The following CPT1C variants were observed in gnomAD, a reference collection of about 807,000 sequenced individuals.
The protein encoded by CPT1C is carnitine palmitoyltransferase 1C.
A neutral mutation model predicts 97.3 loss-of-function variants in CPT1C; 61 were observed. The observed-to-expected ratio is 0.63, with a 90% CI of 0.51 to 0.78. The LOEUF (loss-of-function observed/expected upper bound fraction) is 0.78. Ranked by LOEUF, CPT1C falls within the 30% of genes least tolerant of loss-of-function variation. The probability of loss-of-function intolerance (pLI) is 0.00; values close to 1 mark genes in which losing one functional copy is unlikely to be tolerated. For missense variants in CPT1C, 975 were observed against 1,065.5 expected (o/e 0.92, Z 1.18); for synonymous variants, 469 against 447.2 (o/e 1.05, Z -0.61).
At chr19:49,709,555 A>ATT (rs546388616) in intron 14 of CPT1C, among the ~76,000 whole-genome samples, 50 of 122,104 alleles carry the variant, frequency 4.1e-4, no homozygotes, top group African/African-American at 9.7e-4. Flanking sequence ...CCCTATCCCC[A>ATT]TTTTTTTTTT....
Position 49,692,095 on chromosome 19 carries a change from G to A in CPT1C, c.-14-144G>A. ...TCTGGGTCTGAGGGAGGAGGGGCTG[G>A]GGGCCTGGACTCCTGGATCTGAGAG... On this transcript the variant is annotated intron_variant, in intron 2 of 19. Coordinates refer to ENST00000598293, the MANE Select transcript of CPT1C (RefSeq NM_001199753.2). The A allele has an allele frequency of 4.2e-6, 3 of 719,410 alleles. No individual in the cohort carries two copies. The South Asian group carries it at 6.0e-5, about 14-fold the overall frequency. The allele number at this position is 719,410 out of a possible 1,614,324, so 44.6% of individuals were successfully genotyped here.
At chr19:49,708,002 C>CAAAAAAAAAAAAAAAAAA (rs60276067) in intron 13 of CPT1C, among the ~76,000 whole-genome samples, 3 of 56,782 alleles carry the variant, frequency 5.3e-5, no homozygotes, top group Admixed American at 4.4e-4. Context: ...GAATACATCT[C>CAAAAAAAAAAAAAAAAAA]AAAAAAAAAA....
intron 3 of CPT1C, among the ~76,000 whole-genome samples, chr19:49,695,160 G>C (rs2082594734): frequency 6.6e-6 from 1 of 151,890 alleles, no homozygotes; most frequent in Non-Finnish European, 1.5e-5. Flanking sequence ...CAAACATGTG[G>C]CCATCCTTTT....
Position 49,706,844 on chromosome 19 carries a change from C to T in CPT1C, c.1343+431C>T, listed in dbSNP as rs1471398194. Among the ~76,000 whole-genome samples, 1 of 152,146 alleles carries T rather than the reference C, an allele frequency of 6.6e-6. No homozygotes were observed. The highest frequency in any genetic ancestry group is 6.6e-5 in the Admixed American group (1 of 15,264). ...TAATGCAGGCACCCCAAATCCATGG[C>T]CCTAGACCCAGACTTCCAGACCTAG... On this transcript the variant is annotated intron_variant, in intron 12 of 19. Coordinates refer to ENST00000598293, the MANE Select transcript of CPT1C (RefSeq NM_001199753.2). The surrounding 1 kb of genome is among the most constrained non-coding windows in gnomAD (Gnocchi z 4.8).
intron 7 of CPT1C, among the ~76,000 whole-genome samples, chr19:49,703,587 CCCTCCCTCCCTTCCTT>C (rs1460974548): frequency 4.5e-5 from 4 of 88,198 alleles, no homozygotes; most frequent in African/African-American, 1.7e-4. Context: ...CTCCCTCCCT[CCCTCCCTCCCTTCCTT>C]CCTTCCTTCC....
intron 4 of CPT1C, among the ~76,000 whole-genome samples, chr19:49,699,457 TAAAAAAAA>T (rs71180647): frequency 4.5e-4 from 16 of 35,290 alleles, no homozygotes; most frequent in African/African-American, 8.5e-4. Flanking sequence ...CCCCTGTCTC[TAAAAAAAA>T]AAAAAAAAAA....
chr19:49,713,542 G>A lies in CPT1C; in HGVS notation c.2349G>A (p.Arg783=). Residue 783 remains arginine (R), a synonymous_variant, in exon 20 of 20, where the codon AGG becomes AGA. Coordinates refer to ENST00000598293, the MANE Select transcript of CPT1C (RefSeq NM_001199753.2). ...CAGGGAAGGAGAACTCCAGGCACAG[G>A]TGTGGATTTCTCTCCCGCCAGACTG... ...RGSGKENSRH[R]CGFLSRQTGA... 6.2e-7 allele frequency: 1 copy of A among 1,614,214 alleles called. No homozygotes were observed.
At chr19:49,705,442 C>G in intron 10 of CPT1C, 144 bp downstream of exon 10, 1 of 686,606 alleles carries the variant, frequency 1.5e-6, no homozygotes, top group South Asian at 2.1e-5. Context: ...CTCTGAGCCT[C>G]AGCTTCCACT....
chr19:49,700,659 C>G (rs1345430708), intron 4 of CPT1C, 25 bp from the exon 5 acceptor site: 1 of 1,601,388 alleles, frequency 6.2e-7, no homozygotes, highest in Non-Finnish European at 8.5e-7. Context: ...AGACCCAGGC[C>G]CAGCCTCTGT....
chr19:49,700,863 AG>A lies in CPT1C; in HGVS notation c.453+12del. ...CCCACCAAGACCTGGCTGGTATGGG[AG>A]GGGCATAGCCCTGCTCAGGCTCTCC... On this transcript the variant is annotated intron_variant, in intron 5 of 19. Coordinates refer to ENST00000598293, the MANE Select transcript of CPT1C (RefSeq NM_001199753.2). 1 of 1,610,568 alleles carries A rather than the reference AG, an allele frequency of 6.2e-7. No homozygotes were observed. Among genetic ancestry groups the A allele is most frequent in the Non-Finnish European group, 8.5e-7 (1 of 1,179,540 alleles).
rs183173034 is a variant in CPT1C, at chr19:49,707,000, C to A, written c.1344-518C>A. On this transcript the variant is annotated intron_variant, in intron 12 of 19. Coordinates refer to ENST00000598293, the MANE Select transcript of CPT1C (RefSeq NM_001199753.2). This position sits in a 1 kb window ranked among gnomAD's most constrained non-coding sequence, Gnocchi z 4.8. ...AAAAATCTCCAAACTCCAGACTGGGCATGGTGGCTCATGCCTGTAGTCTCA... is the reference window on the plus strand; with the variant it reads ...AAAAATCTCCAAACTCCAGACTGGGAATGGTGGCTCATGCCTGTAGTCTCA... Among the ~76,000 whole-genome samples, 1 of 152,290 alleles carries A rather than the reference C, an allele frequency of 6.6e-6. No homozygotes were observed. The highest frequency in any genetic ancestry group is 1.5e-5 in the Non-Finnish European group (1 of 68,028).
intron 17 of CPT1C, 129 bp downstream of exon 17, chr19:49,712,090 C>T (rs2083920537): frequency 2.6e-6 from 3 of 1,174,308 alleles, no homozygotes; most frequent in Admixed American, 5.5e-5. Flanking sequence ...CGCCTGTAAT[C>T]CCAGCAGTTT....
At chr19:49,704,547 G>A in intron 7 of CPT1C, 163 bp from the exon 8 acceptor site, 1 of 630,976 alleles carries the variant, frequency 1.6e-6, no homozygotes, top group Non-Finnish European at 2.9e-6. Flanking sequence ...GATCCCCCAT[G>A]GATGGATTTC....
chr19:49,707,584 C>A lies in CPT1C; in HGVS notation c.1410C>A (p.His470Gln). The change falls in exon 13 of 20, where the codon CAC becomes CAA. Residue 470 changes from histidine to glutamine, a missense_variant. By Grantham distance (24) the His-to-Gln change is conservative. Around this residue, in one of 3 missense-constraint regions of CPT1C, gnomAD observed 35 missense variants for 66.6 expected, o/e 0.53. Transcript: ENST00000598293. Reference protein sequence around the residue: ...SNGKLGLSVEHSWADCPISGH... With the variant: ...SNGKLGLSVEQSWADCPISGH... ...GGAAGCTGGGCCTCAGCGTGGAGCA[C>A]TCCTGGGCCGACTGCCCCATCTCAG... 1 of 1,613,714 alleles carries A rather than the reference C, an allele frequency of 6.2e-7. No individual in the cohort carries two copies. Among genetic ancestry groups the A allele is most frequent in the Non-Finnish European group, 8.5e-7 (1 of 1,179,852 alleles).
rs1316079255 is a variant in CPT1C, at chr19:49,701,356, T to C, written c.493T>C (p.Phe165Leu). 1 of 1,613,604 alleles carries C rather than the reference T, an allele frequency of 6.2e-7. No homozygotes were observed. Among genetic ancestry groups the C allele is most frequent in the Admixed American group, 1.7e-5 (1 of 59,978 alleles). ...CTTCTCTGGCCGCCACCCGATGCTGTTCAGTTACCAGCGCTCCCTGCCACG... is the reference window on the plus strand; with the variant it reads ...CTTCTCTGGCCGCCACCCGATGCTGCTCAGTTACCAGCGCTCCCTGCCACG... The part of the protein sequence containing the change: ...RIFSGRHPML[F>L]SYQRSLPRQP... Residue 165 changes from phenylalanine to leucine, a missense_variant, in exon 6 of 20, where the codon TTC (phenylalanine) becomes CTC (leucine). This residue lies in a region of CPT1C where 596 missense variants were observed against 603.1 expected (regional missense o/e 0.99). Transcript: ENST00000598293.
chr19:49,701,890 T>TTA (rs2083094540), intron 7 of CPT1C, among the ~76,000 whole-genome samples: 1 of 110,034 alleles, frequency 9.1e-6, no homozygotes, highest in Non-Finnish European at 1.7e-5. Context: ...ATATATATAT[T>TTA]TATTTATAAA....
chr19:49,693,476 C>G (rs1471546934), intron 3 of CPT1C, among the ~76,000 whole-genome samples: 1 of 152,206 alleles, frequency 6.6e-6, no homozygotes, highest in African/African-American at 2.4e-5. Context: ...ACAGGATAGC[C>G]TTGAAGACTA....
rs1459634757 is a variant in CPT1C, at chr19:49,703,438, G to C, written c.694-1272G>C. ...GATGGTCTCGACCTCCTGACCTCGTGATCCGCCTGCCTCGGCCTCCCAAAG... is the reference window on the plus strand; with the variant it reads ...GATGGTCTCGACCTCCTGACCTCGTCATCCGCCTGCCTCGGCCTCCCAAAG... On this transcript the variant is annotated intron_variant, in intron 7 of 19. Coordinates refer to ENST00000598293, the MANE Select transcript of CPT1C (RefSeq NM_001199753.2). Among the ~76,000 whole-genome samples, 3 of 149,826 alleles carry C rather than the reference G, an allele frequency of 2.0e-5. No homozygotes were observed. In the Admixed American group the frequency reaches 2.0e-4, roughly 10 times the overall value.
At chr19:49,710,551 C>T (rs779741046) in intron 15 of CPT1C, 67 bp downstream of exon 15, 2 of 1,592,730 alleles carry the variant, frequency 1.3e-6, no homozygotes, top group Non-Finnish European at 1.7e-6. Context: ...AAGACCTGCC[C>T]CTCCACGGTT....
Sources: gnomAD v4.1 joint callset for allele counts (sites outside exome capture counted in the v4.1 genomes callset) on GRCh38, gnomAD v4.1.1 for gene constraint, gnomAD v4.1.1 regional missense constraint, Gnocchi (gnomAD v3.1) non-coding constraint, MANE v1.5 for transcripts, NCBI Gene and HGNC (gene_info 2026-07-23, HGNC 2026-07-21) for gene names.